Variants in KCNK10 observed in about 807,000 individuals in gnomAD.
The protein encoded by KCNK10 is potassium two pore domain channel subfamily K member 10, also known as potassium channel subfamily K member 10.
KCNK10 carries 25 observed loss-of-function variants against 47.7 expected under a neutral mutation model. That is an observed-to-expected ratio of 0.52 (90% CI 0.38 to 0.73). KCNK10 has a LOEUF of 0.73. Ranked by LOEUF, KCNK10 falls within the 30% of genes least tolerant of loss-of-function variation. KCNK10 has a pLI of 0.00. For synonymous variants in KCNK10, 303 were observed against 285.6 expected (o/e 1.06, Z -0.61); for missense variants, 563 against 714.5 (o/e 0.79, Z 2.42).
chr14:88,310,155 C>CTCATATACCATATCATATGGTATA (rs1566721399), intron 1 of KCNK10, among the ~76,000 whole-genome samples: 6,183 of 22,888 alleles, frequency 0.27, 1,790 homozygotes, highest in East Asian at 0.42. Flanking sequence ...CCATATCTCT[C>CTCATATACCATATCATATGGTATA]TCATATACCA....
At chr14:88,275,693 CAAAA>C (rs71126972) in intron 1 of KCNK10, among the ~76,000 whole-genome samples, 1 of 72,024 alleles carries the variant, frequency 1.4e-5, no homozygotes, top group Non-Finnish European at 2.6e-5. Context: ...GCTAAAAATA[CAAAA>C]AAAAAAAAAA....
At chr14:88,205,542 C>CT (rs200265659) in intron 4 of KCNK10, among the ~76,000 whole-genome samples, 19,657 of 115,794 alleles carry the variant, frequency 0.17, 2,201 homozygotes, top group East Asian at 0.38. Context: ...CTTTTCTTTT[C>CT]TTTTTTTTTT....
At chr14:88,191,457 A>T (rs951604000) in intron 5 of KCNK10, among the ~76,000 whole-genome samples, 1 of 152,170 alleles carries the variant, frequency 6.6e-6, no homozygotes, top group African/African-American at 2.4e-5. Flanking sequence ...TTGTCTGAAC[A>T]TCTAGAACTA....
chr14:88,241,137 A>C (rs1253391674), intron 2 of KCNK10, among the ~76,000 whole-genome samples: 2 of 152,238 alleles, frequency 1.3e-5, no homozygotes, highest in Non-Finnish European at 2.9e-5. Context: ...TACACACACA[A>C]AAAATGTCTA....
chr14:88,240,156 G>T (rs980432849), intron 3 of KCNK10, among the ~76,000 whole-genome samples: 1 of 151,956 alleles, frequency 6.6e-6, no homozygotes, highest in Non-Finnish European at 1.5e-5. Flanking sequence ...CAGGAAGAAG[G>T]AACTAACTCC....
chr14:88,279,486 G>A (rs1243882055), intron 1 of KCNK10, among the ~76,000 whole-genome samples: 16 of 151,072 alleles, frequency 1.1e-4, no homozygotes, highest in African/African-American at 3.9e-4. Context: ...ACCAGATTCA[G>A]GAAACAAAAA....
Position 88,185,811 on chromosome 14 carries a change from G to A in KCNK10, c.1356C>T (p.Phe452=), listed in dbSNP as rs1012048390. ...TCTTGGTGAGTCTGGAGGTGGACCC[G>A]AACTTGTTGATGATGTTGTCCTCGG... is the stretch of plus-strand genomic sequence containing the variant. ...GASEDNIINK[F]GSTSRLTKRK... The change falls in exon 7 of 7, where the codon TTC becomes TTT. Residue 452 remains phenylalanine (F), a synonymous_variant. Coordinates refer to ENST00000319231, the MANE Select transcript of KCNK10 (RefSeq NM_138317.3). The surrounding 1 kb of genome is among the most constrained non-coding windows in gnomAD (Gnocchi z 4.3). 1.7e-5 allele frequency: 28 copies of A among 1,614,020 alleles called. No individual in the cohort carries two copies. The highest frequency in any genetic ancestry group is 6.7e-5 in the East Asian group (3 of 44,894).
intron 5 of KCNK10, among the ~76,000 whole-genome samples, chr14:88,190,422 G>A (rs534928936): frequency 6.6e-6 from 1 of 152,250 alleles, no homozygotes; most frequent in South Asian, 2.1e-4. Flanking sequence ...GACCGGCTAC[G>A]GATGATGCCA....
At chr14:88,262,488 C>T (rs1350469511) in intron 2 of KCNK10, among the ~76,000 whole-genome samples, 2 of 152,190 alleles carry the variant, frequency 1.3e-5, no homozygotes, top group African/African-American at 4.8e-5. Context: ...TAGCTCCTTA[C>T]CGCCACAGTC....
chr14:88,239,732 G>A (rs1490490927), intron 3 of KCNK10, among the ~76,000 whole-genome samples: 2 of 152,008 alleles, frequency 1.3e-5, no homozygotes, highest in South Asian at 2.1e-4. Flanking sequence ...GGTGGTGGGC[G>A]CCTGTAATCC....
intron 1 of KCNK10, among the ~76,000 whole-genome samples, chr14:88,318,126 G>A (rs1888467039): frequency 6.6e-6 from 1 of 152,166 alleles, no homozygotes; most frequent in Non-Finnish European, 1.5e-5. Flanking sequence ...CAAGGAAGTG[G>A]GAATATCAGC....
At chr14:88,222,812 G>C (rs1461289156) in intron 4 of KCNK10, among the ~76,000 whole-genome samples, 3 of 152,212 alleles carry the variant, frequency 2.0e-5, no homozygotes, top group Non-Finnish European at 4.4e-5. Flanking sequence ...TGCAATGTGA[G>C]TGACAAGTCT....
chr14:88,217,223 TTATAA>T (rs1184430005), intron 4 of KCNK10, among the ~76,000 whole-genome samples: 1 of 152,192 alleles, frequency 6.6e-6, no homozygotes, highest in East Asian at 1.9e-4. Context: ...TGTTAGGAAC[TTATAA>T]TATGGTATGT....
At position 88,312,540 on chromosome 14, in the gene KCNK10, C is replaced by T. The variant is rs553417471; in HGVS notation, c.52+10207G>A. Among the ~76,000 whole-genome samples the T allele has an allele frequency of 5.3e-5, 8 of 152,322 alleles. No homozygotes were observed. In the South Asian group the frequency reaches 1.7e-3, roughly 32 times the overall value. On this transcript the variant is annotated intron_variant, in intron 1 of 6. Coordinates refer to ENST00000319231, the MANE Select transcript of KCNK10 (RefSeq NM_138317.3). ...CCCATTCCCCAGCATTTCTACTGCT[C>T]GGCCTGGAGGCCATCCTGTTTTTTC...
chr14:88,200,910 G>A (rs1885079871), intron 4 of KCNK10, among the ~76,000 whole-genome samples: 1 of 152,222 alleles, frequency 6.6e-6, no homozygotes, highest in Non-Finnish European at 1.5e-5. Context: ...TCCACAGAGT[G>A]AGAGAGTGTA....
Position 88,263,758 on chromosome 14 carries a change from GT to G in KCNK10, c.53-208del, listed in dbSNP as rs200076752. 3.3e-5 allele frequency among the ~76,000 whole-genome samples: 5 copies of G among 150,092 alleles called. 1 individual carries two copies. Among genetic ancestry groups the G allele is most frequent in the African/African-American group, 1.2e-4 (5 of 40,646 alleles). On this transcript the variant is annotated intron_variant, in intron 1 of 6. Coordinates refer to ENST00000319231, the MANE Select transcript of KCNK10 (RefSeq NM_138317.3). ...TAAAAAATAAGCACCAGGGGTCCCA[GT>G]TTAAAAAAAAAAAAAGTATAAACTG...
At chr14:88,197,896 A>AGAGAGAGAGAGAG (rs1555359770) in intron 4 of KCNK10, among the ~76,000 whole-genome samples, 17 of 117,694 alleles carry the variant, frequency 1.4e-4, no homozygotes, top group African/African-American at 6.6e-4. Flanking sequence ...GAGAGAGAGA[A>AGAGAGAGAGAGAG]GGGGAAAAAA....
chr14:88,203,269 C>T (rs767539482), intron 4 of KCNK10, among the ~76,000 whole-genome samples: 14 of 152,356 alleles, frequency 9.2e-5, no homozygotes, highest in Admixed American at 4.6e-4. Flanking sequence ...TTGTTTTTAA[C>T]AAGGTACCTT....
chr14:88,305,995 C>G (rs1888195947), intron 1 of KCNK10, among the ~76,000 whole-genome samples: 1 of 152,164 alleles, frequency 6.6e-6, no homozygotes, highest in South Asian at 2.1e-4. Context: ...CACTTCCTGC[C>G]TTCCATGGGA....
Sources: gnomAD v4.1 joint callset for allele counts (sites outside exome capture counted in the v4.1 genomes callset) on GRCh38, gnomAD v4.1.1 for gene constraint, Gnocchi (gnomAD v3.1) non-coding constraint, MANE v1.5 for transcripts, NCBI Gene and HGNC (gene_info 2026-07-23, HGNC 2026-07-21) for gene names.